WDR4: variants seen among roughly 807,000 people sequenced by gnomAD.
WDR4 encodes WDR4 tRNA N7-guanosine methyltransferase non-catalytic subunit.
WDR4 carries 47 observed loss-of-function variants against 48.6 expected under a neutral mutation model. The ratio of observed to expected loss-of-function variants is 0.97; its 90% CI spans 0.77 to 1.23. WDR4 has a LOEUF of 1.23. WDR4 is among the 50% of genes most tolerant of loss of function. The pLI, the probability that WDR4 is intolerant of heterozygous loss-of-function variation, is 0.00. For synonymous variants in WDR4, 268 were observed against 230.0 expected, an observed-to-expected ratio of 1.17 and a Z score of -1.49; for missense variants, 606 against 551.6, an observed-to-expected ratio of 1.10 and a Z score of -0.99.
At chr21:42,852,696 A>G (rs1249927860) in intron 9 of WDR4, among the ~76,000 whole-genome samples, 3 of 152,204 alleles carry the variant, frequency 2.0e-5, no homozygotes, top group Admixed American at 2.0e-4. Flanking sequence ...CGGGCGGATC[A>G]CCTGAGGGTG....
upstream of WDR4, chr21:42,879,591 A>C: frequency 6.8e-7 from 1 of 1,469,366 alleles, no homozygotes; most frequent in Non-Finnish European, 9.3e-7. Flanking sequence ...CCGAGAGATG[A>C]CGTATACCCC....
In WDR4 at chr21:42,853,736, T is replaced by C. The variant is rs1457284950; in HGVS notation, c.808A>G (p.Ile270Val). ...TGTCTGCGGGCGTCCAGCTGGAAGATGTAGACCACAGGAGTGCTTGCCACG... is the reference window on the plus strand; with the variant it reads ...TGTCTGCGGGCGTCCAGCTGGAAGACGTAGACCACAGGAGTGCTTGCCACG... The part of the protein sequence containing the change: ...LLCDGTPVVY[I>V]FQLDARRQQL... Residue 270 changes from isoleucine to valine, a missense_variant, in exon 9 of 11, where the codon ATC (isoleucine) becomes GTC (valine). By Grantham distance (29) the Ile-to-Val change is conservative. Coordinates refer to ENST00000398208, the MANE Select transcript of WDR4 (RefSeq NM_018669.6). 3.2e-6 allele frequency: 5 copies of C among 1,559,194 alleles called. No homozygotes were observed. Among genetic ancestry groups the C allele is most frequent in the Non-Finnish European group, 4.3e-6 (5 of 1,151,404 alleles).
Position 42,849,945 on chromosome 21 carries a change from A to G in WDR4, c.*104T>C, listed in dbSNP as rs1255731735. The G allele has an allele frequency of 7.6e-6, 11 of 1,442,514 alleles. No individual in the cohort carries two copies. In the East Asian group the frequency reaches 1.8e-4, roughly 24 times the overall value. The allele number at this position is 1,442,514 out of a possible 1,614,324, so 89.4% of individuals were successfully genotyped here. ...AGCCCCATCCTCTGAGCTGGTCACA[A>G]CTGATGTCACCTTTTCCTTCTTGAA... On this transcript the variant is annotated 3_prime_UTR_variant, in exon 11 of 11. Transcript: ENST00000398208.
intron 8 of WDR4, among the ~76,000 whole-genome samples, 154 bp from the exon 9 acceptor site, chr21:42,853,906 C>T (rs566395035): frequency 1.2e-4 from 18 of 152,308 alleles, no homozygotes; most frequent in South Asian, 4.1e-4. Context: ...ATGCCGGCGC[C>T]GGGGAAACCA....
chr21:42,844,853 G>A (rs978029774), downstream of WDR4, among the ~76,000 whole-genome samples: 2 of 152,144 alleles, frequency 1.3e-5, no homozygotes, highest in African/African-American at 2.4e-5. Flanking sequence ...GAGAGCCCCC[G>A]CCCCCACCAT....
At position 42,859,805 on chromosome 21, in the gene WDR4, C is replaced by G. The variant is rs553243787; in HGVS notation, c.567-83G>C. 152 of 1,393,692 alleles carry G rather than the reference C, an allele frequency of 1.1e-4. No individual in the cohort carries two copies. In the South Asian group the frequency reaches 1.6e-3, roughly 15 times the overall value. The allele number at this position is 1,393,692 out of a possible 1,614,324, so 86.3% of individuals were successfully genotyped here. ...AGGCCTGGGGAGGCCGCCTGTTCAT[C>G]TAAGGAAGAGAAGCCTCTGCCCTAA... is the stretch of plus-strand genomic sequence containing the variant. On this transcript the variant is annotated intron_variant, in intron 5 of 10. Transcript: ENST00000398208.
intron 10 of WDR4, 77 bp downstream of exon 10, chr21:42,852,178 C>G: frequency 6.7e-7 from 1 of 1,494,116 alleles, no homozygotes; most frequent in Admixed American, 1.7e-5. Flanking sequence ...CCGGGCAGGT[C>G]ACAGTGTGTG....
At chr21:42,859,558 C>CCAGGGGCCAGCGATCCG in intron 6 of WDR4, 104 bp downstream of exon 6, 1 of 820,428 alleles carries the variant, frequency 1.2e-6, no homozygotes, top group Non-Finnish European at 1.9e-6. Context: ...CCACAGCCAG[C>CCAGGGGCCAGCGATCCG]CAGGGGCCAG....
At chr21:42,861,979 C>G (rs899813358) in intron 5 of WDR4, among the ~76,000 whole-genome samples, 16 of 152,294 alleles carry the variant, frequency 1.1e-4, no homozygotes, top group African/African-American at 3.6e-4. Flanking sequence ...GAACAACTCC[C>G]GGGCATGGTG....
chr21:42,845,644 C>A (rs1476494055), downstream of WDR4, among the ~76,000 whole-genome samples: 1 of 152,220 alleles, frequency 6.6e-6, no homozygotes, highest in African/African-American at 2.4e-5. Context: ...ACACCACACA[C>A]TGTGGGCCTT....
At chr21:42,879,314 G>C in intron 1 of WDR4, 93 bp downstream of exon 1, 3 of 1,546,964 alleles carry the variant, frequency 1.9e-6, no homozygotes, top group South Asian at 1.2e-5. Flanking sequence ...CCCAGAGTGG[G>C]TGCGACCAGG....
chr21:42,853,151 C>G lies in WDR4; in HGVS notation c.975+418G>C, dbSNP rs143017077. On this transcript the variant is annotated intron_variant, in intron 9 of 10. Coordinates refer to ENST00000398208, the MANE Select transcript of WDR4 (RefSeq NM_018669.6). The stretch of plus-strand genomic sequence containing the variant: ...TCTCCCCAGAGGAAAGCAGCTCAGC[C>G]TGCCGCCCTTGCCCCCTCCTCTACC... Among the ~76,000 whole-genome samples the G allele has an allele frequency of 8.3e-3, 1,265 of 152,290 alleles. 6 individuals carry two copies. Among genetic ancestry groups the G allele is most frequent in the Non-Finnish European group, 0.013 (892 of 68,028 alleles).
At chr21:42,860,823 G>A (rs569677970) in intron 5 of WDR4, among the ~76,000 whole-genome samples, 4 of 152,308 alleles carry the variant, frequency 2.6e-5, no homozygotes, top group East Asian at 3.9e-4. Context: ...CAGGCACCAC[G>A]CTGAGGGCTG....
Position 42,873,696 on chromosome 21 carries a change from G to A in WDR4, c.156-5C>T, listed in dbSNP as rs146400491. The A allele has an allele frequency of 7.9e-4, 1,277 of 1,612,602 alleles. 19 individuals are homozygous for A. In the East Asian group the frequency reaches 0.027, roughly 34 times the overall value. ...TGGTCCAAGGGCGCGTCCTCCCTGA[G>A]GAAGAGAGGAGGAAGACGGTTAAGC... On this transcript the variant is annotated splice_polypyrimidine_tract_variant and splice_region_variant and intron_variant, in intron 2 of 10. Transcript: ENST00000398208.
chr21:42,881,186 G>A (rs1034671711), upstream of WDR4, among the ~76,000 whole-genome samples: 4 of 152,322 alleles, frequency 2.6e-5, no homozygotes, highest in East Asian at 1.9e-4. Flanking sequence ...GATTACAGGC[G>A]TGAGCCACCG....
At chr21:42,891,240 T>C in the WDR4 span, among the ~76,000 whole-genome samples, 1 of 151,392 alleles carries the variant, frequency 6.6e-6, no homozygotes, top group Non-Finnish European at 1.5e-5. Context: ...GAGAATCACT[T>C]GAACCCAGGA....
chr21:42,876,902 T>G, intron 1 of WDR4, 135 bp from the exon 2 acceptor site: 1 of 669,884 alleles, frequency 1.5e-6, no homozygotes, highest in Non-Finnish European at 2.4e-6. Context: ...CACCGCAACC[T>G]CCGCCTCCCA....
chr21:42,860,693 T>C (rs1223023002), intron 5 of WDR4, among the ~76,000 whole-genome samples: 3 of 152,206 alleles, frequency 2.0e-5, no homozygotes, highest in Admixed American at 6.5e-5. Flanking sequence ...AGGGCACGAG[T>C]GGCCTCACAG....
At chr21:42,887,749 C>G in the WDR4 span, among the ~76,000 whole-genome samples, 2 of 152,132 alleles carry the variant, frequency 1.3e-5, no homozygotes, top group Non-Finnish European at 2.9e-5. Context: ...GAAACCCTGT[C>G]TCTACTAAAA....
Sources: gnomAD v4.1 joint callset for allele counts (sites outside exome capture counted in the v4.1 genomes callset) on GRCh38, gnomAD v4.1.1 for gene constraint, MANE v1.5 for transcripts, NCBI Gene and HGNC (gene_info 2026-07-23, HGNC 2026-07-21) for gene names.